LRMDA: variants seen among roughly 807,000 people sequenced by gnomAD.
The protein encoded by LRMDA is leucine rich melanocyte differentiation associated.
LRMDA carries 18 observed loss-of-function variants against 29.8 expected under a neutral mutation model. That is an observed-to-expected ratio of 0.60 (90% CI 0.42 to 0.90). LRMDA has a LOEUF of 0.90. LRMDA is among the 40% of genes least tolerant of loss of function. The pLI is 0.00. For synonymous variants in LRMDA, 125 were observed against 109.4 expected (o/e 1.14, Z -0.89); for missense variants, 273 against 273.9 (o/e 1.00, Z 0.02).
intron 5 of LRMDA, among the ~76,000 whole-genome samples, chr10:76,323,182 T>G (rs975642207): frequency 6.6e-6 from 1 of 152,126 alleles, no homozygotes; most frequent in Non-Finnish European, 1.5e-5. Flanking sequence ...GGACAGAGCT[T>G]CTGATTTTGC....
At chr10:75,553,071 T>C (rs1160074860) in intron 2 of LRMDA, among the ~76,000 whole-genome samples, 5 of 152,328 alleles carry the variant, frequency 3.3e-5, no homozygotes, top group African/African-American at 1.2e-4. Flanking sequence ...TACTTTATCT[T>C]TTGACCAAGA....
intron 2 of LRMDA, among the ~76,000 whole-genome samples, chr10:75,797,198 A>C (rs764868507): frequency 6.6e-6 from 1 of 152,022 alleles, no homozygotes; most frequent in Non-Finnish European, 1.5e-5. Context: ...AGTTTTGTTA[A>C]GTTAATTTTT....
rs114043837 is a variant in LRMDA at position 76,456,558 on chromosome 10, A to G, written c.602-100651A>G. On this transcript the variant is annotated intron_variant, in intron 6 of 6. Transcript: ENST00000611255. ...AAGAGTCTTGTTTTGAAGTGAGATA[A>G]TCCTTCCATTTTCATAAGGTAGTTA... Among the ~76,000 whole-genome samples the G allele has an allele frequency of 9.1e-3, 1,380 of 152,106 alleles. 17 individuals carry two copies. The highest frequency in any genetic ancestry group is 0.032 in the African/African-American group (1,324 of 41,506).
intron 2 of LRMDA, among the ~76,000 whole-genome samples, chr10:75,829,841 C>CTTTT (rs34025294): frequency 1.2e-3 from 110 of 89,430 alleles, no homozygotes; most frequent in African/African-American, 2.0e-3. Flanking sequence ...GAATAGGCCA[C>CTTTT]TTTTTTTTTT....
intron 2 of LRMDA, among the ~76,000 whole-genome samples, chr10:76,006,984 G>A (rs182668702): frequency 9.6e-3 from 83 of 8,688 alleles, no homozygotes; most frequent in East Asian, 0.091. Context: ...TGGAGAAGGC[G>A]TGTGTGTGTG....
chr10:76,352,470 G>A lies in LRMDA; in HGVS notation c.601+27985G>A, dbSNP rs145947053. Among the ~76,000 whole-genome samples, 258 of 152,110 alleles carry A rather than the reference G, an allele frequency of 1.7e-3. 2 individuals are homozygous for A. The highest frequency in any genetic ancestry group is 3.3e-3 in the African/African-American group (136 of 41,536). On this transcript the variant is annotated intron_variant, in intron 6 of 6. Transcript: ENST00000611255. ...ACAGCTTCTAGGTGACTAAGCGGCC[G>A]ATTCTATATACAGAATGGACACACT...
chr10:75,499,408 G>A (rs571709113), intron 2 of LRMDA, among the ~76,000 whole-genome samples: 10 of 152,170 alleles, frequency 6.6e-5, no homozygotes, highest in Admixed American at 2.6e-4. Context: ...TGGAGTGAGG[G>A]TCTGGCTTCG....
intron 2 of LRMDA, among the ~76,000 whole-genome samples, chr10:75,746,706 G>A (rs896827740): frequency 4.6e-5 from 7 of 152,126 alleles, no homozygotes; most frequent in South Asian, 2.1e-4. Context: ...CTCAGAGTGC[G>A]TGGGTAGAGA....
intron 6 of LRMDA, among the ~76,000 whole-genome samples, chr10:76,411,908 A>G (rs117246174): frequency 0.021 from 3,173 of 152,310 alleles, 47 homozygotes; most frequent in Middle Eastern, 0.051. Context: ...AAACAGATGG[A>G]GGCGCTGGCC....
chr10:75,501,525 A>G (rs922487514), intron 2 of LRMDA, among the ~76,000 whole-genome samples: 9 of 152,204 alleles, frequency 5.9e-5, no homozygotes, highest in Non-Finnish European at 1.2e-4. Context: ...ACGTGGAATG[A>G]GGTCATCTTG....
chr10:76,343,385 C>T (rs947386535), intron 6 of LRMDA, among the ~76,000 whole-genome samples: 14 of 152,158 alleles, frequency 9.2e-5, no homozygotes, highest in Non-Finnish European at 1.9e-4. Context: ...GAAAGAATTA[C>T]AAACAGAATC....
intron 6 of LRMDA, among the ~76,000 whole-genome samples, chr10:76,339,154 A>G (rs1397338548): frequency 3.3e-5 from 5 of 152,108 alleles, no homozygotes; most frequent in Non-Finnish European, 4.4e-5. Flanking sequence ...AAATTGGCTC[A>G]TATCCACAAA....
chr10:75,467,956 TCACACACACACACACACACACACACA>T (rs61295526), intron 2 of LRMDA, among the ~76,000 whole-genome samples: 14 of 130,058 alleles, frequency 1.1e-4, no homozygotes, highest in East Asian at 4.6e-4. Context: ...TGAGACTCCG[TCACACACACACACACACACACACACA>T]CACACACACA....
chr10:76,316,635 G>A (rs1840703139), intron 5 of LRMDA, among the ~76,000 whole-genome samples: 1 of 152,018 alleles, frequency 6.6e-6, no homozygotes, highest in African/African-American at 2.4e-5. Flanking sequence ...CTATTGAGAG[G>A]GTTAAATGAA....
intron 2 of LRMDA, among the ~76,000 whole-genome samples, chr10:75,773,301 G>T (rs1343172256): frequency 6.6e-6 from 1 of 152,226 alleles, no homozygotes; most frequent in African/African-American, 2.4e-5. Context: ...GGCTGCAATG[G>T]AAAGATTGTA....
chr10:76,502,443 C>G (rs1842919706), intron 6 of LRMDA, among the ~76,000 whole-genome samples: 1 of 151,970 alleles, frequency 6.6e-6, no homozygotes, highest in Admixed American at 6.6e-5. Flanking sequence ...CTATAAATTT[C>G]TTTGGGCAGT....
intron 6 of LRMDA, among the ~76,000 whole-genome samples, chr10:76,417,266 G>T (rs1842024288): frequency 6.6e-6 from 1 of 152,056 alleles, no homozygotes; most frequent in Non-Finnish European, 1.5e-5. Context: ...TTTTATATCT[G>T]TTTTATTAGC....
intron 2 of LRMDA, among the ~76,000 whole-genome samples, chr10:75,977,428 C>T (rs935304206): frequency 2.6e-5 from 4 of 152,194 alleles, no homozygotes; most frequent in African/African-American, 9.6e-5. Flanking sequence ...GGGGGCCACA[C>T]GTCCCCCTCT....
chr10:75,528,315 C>G (rs1387276740), intron 2 of LRMDA, among the ~76,000 whole-genome samples: 1 of 152,200 alleles, frequency 6.6e-6, no homozygotes, highest in African/African-American at 2.4e-5. Flanking sequence ...TTGAAAGTTT[C>G]TTTTGTTGGG....
Sources: allele counts gnomAD v4.1 joint callset (sites outside exome capture counted in the v4.1 genomes callset), GRCh38; gene constraint gnomAD v4.1.1; transcripts MANE v1.5; gene names NCBI Gene and HGNC (gene_info 2026-07-23, HGNC 2026-07-21).